Variants in DISP1 observed in about 807,000 individuals in gnomAD.
DISP1 encodes the protein dispatched RND transporter family member 1.
Under a neutral mutation model 37.3 loss-of-function variants are expected in DISP1, and 30 were observed. The observed-to-expected ratio is 0.80, with a 90% CI of 0.60 to 1.09. The LOEUF is 1.09. DISP1 is among the 50% of genes least tolerant of loss of function. The probability of loss-of-function intolerance (pLI) is 0.00; values close to 1 mark genes in which losing one functional copy is unlikely to be tolerated. For synonymous variants in DISP1, 634 were observed against 690.2 expected, an observed-to-expected ratio of 0.92 and a Z score of 1.28; for missense variants, 1,598 against 1,879.5, an observed-to-expected ratio of 0.85 and a Z score of 2.77.
intron 3 of DISP1, among the ~76,000 whole-genome samples, chr1:222,969,947 A>G (rs901858028): frequency 6.6e-6 from 1 of 152,174 alleles, no homozygotes; most frequent in Non-Finnish European, 1.5e-5. Flanking sequence ...TAAACTTTAT[A>G]TTTTAGAATA....
intron 1 of DISP1, among the ~76,000 whole-genome samples, chr1:222,819,258 C>T (rs1461402329): frequency 1.3e-5 from 2 of 152,204 alleles, no homozygotes; most frequent in African/African-American, 2.4e-5. Context: ...GCTTCCTGTA[C>T]AGCCTGTGGA....
At chr1:222,951,277 T>G (rs17011848) in intron 3 of DISP1, among the ~76,000 whole-genome samples, 11,572 of 152,238 alleles carry the variant, frequency 0.076, 499 homozygotes, top group African/African-American at 0.098. Context: ...TTATTCATTT[T>G]CTAATTTCTG....
intron 3 of DISP1, among the ~76,000 whole-genome samples, chr1:222,977,181 C>A (rs1677405406): frequency 6.7e-6 from 1 of 149,504 alleles, no homozygotes; most frequent in Admixed American, 6.8e-5. Context: ...ATGCATGCAC[C>A]ACCATGCCCG....
At chr1:222,943,385 T>C (rs1221982705) in intron 3 of DISP1, 53 bp downstream of exon 3, 30 of 1,609,032 alleles carry the variant, frequency 1.9e-5, no homozygotes, top group Non-Finnish European at 2.5e-5. Flanking sequence ...CACGTGAACA[T>C]GACAGCTTGT....
intron 1 of DISP1, among the ~76,000 whole-genome samples, chr1:222,821,594 G>A (rs181739798): frequency 8.7e-4 from 132 of 152,074 alleles, no homozygotes; most frequent in African/African-American, 3.1e-3. Flanking sequence ...GGCAGTTTTC[G>A]GCCAGGTGCA....
At chr1:222,952,451 G>A (rs1675291121) in intron 3 of DISP1, among the ~76,000 whole-genome samples, 1 of 152,186 alleles carries the variant, frequency 6.6e-6, no homozygotes, top group African/African-American at 2.4e-5. Context: ...ATATTTGACA[G>A]TGAATACTTT....
chr1:222,844,063 A>G (rs201838855), intron 1 of DISP1, among the ~76,000 whole-genome samples: 1 of 136,186 alleles, frequency 7.3e-6, no homozygotes, highest in South Asian at 2.4e-4. Context: ...CAGTCTTTGT[A>G]TTTTTAAAAC....
At chr1:222,819,155 T>C (rs1662065107) in intron 1 of DISP1, among the ~76,000 whole-genome samples, 1 of 152,166 alleles carries the variant, frequency 6.6e-6, no homozygotes, top group Non-Finnish European at 1.5e-5. Flanking sequence ...GCCCCTGTGC[T>C]CGTCGTTTCT....
At chr1:222,968,200 T>C (rs1328803250) in intron 3 of DISP1, among the ~76,000 whole-genome samples, 4 of 152,138 alleles carry the variant, frequency 2.6e-5, no homozygotes, top group Non-Finnish European at 5.9e-5. Flanking sequence ...TTCCACTTAG[T>C]TCCCATTCTC....
intron 3 of DISP1, among the ~76,000 whole-genome samples, chr1:222,978,701 G>C (rs984278372): frequency 6.6e-6 from 1 of 152,128 alleles, no homozygotes; most frequent in African/African-American, 2.4e-5. Flanking sequence ...TTTTGTATAA[G>C]GTGTAAGGAA....
chr1:222,995,822 G>A (rs374544836), intron 8 of DISP1, among the ~76,000 whole-genome samples: 4 of 152,138 alleles, frequency 2.6e-5, no homozygotes, highest in African/African-American at 4.8e-5. Flanking sequence ...ATCATGTGCC[G>A]TGCTGAGAGC....
intron 1 of DISP1, among the ~76,000 whole-genome samples, chr1:222,864,763 C>T (rs570617570): frequency 9.9e-5 from 15 of 152,198 alleles, no homozygotes; most frequent in South Asian, 4.1e-4. Context: ...TTCCTATACC[C>T]GCTGCTGCCA....
chr1:222,869,946 C>CA (rs1669436190), intron 1 of DISP1, among the ~76,000 whole-genome samples: 1 of 152,022 alleles, frequency 6.6e-6, no homozygotes, highest in Admixed American at 6.6e-5. Context: ...CCTCTCCCCC[C>CA]ACCCCACAAC....
At chr1:222,849,270 A>G (rs1031382094) in intron 1 of DISP1, among the ~76,000 whole-genome samples, 2 of 152,230 alleles carry the variant, frequency 1.3e-5, no homozygotes, top group South Asian at 2.1e-4. Flanking sequence ...CCACTCACTT[A>G]TAAAAGAGAA....
intron 4 of DISP1, among the ~76,000 whole-genome samples, chr1:222,990,237 G>T (rs752681740): frequency 6.6e-6 from 1 of 152,222 alleles, no homozygotes; most frequent in African/African-American, 2.4e-5. Flanking sequence ...ACTGATTGGA[G>T]TATGGATCCT....
chr1:222,879,658 G>A (rs929509492), intron 1 of DISP1, among the ~76,000 whole-genome samples: 1 of 152,090 alleles, frequency 6.6e-6, no homozygotes, highest in African/African-American at 2.4e-5. Flanking sequence ...GTAGGTGGGT[G>A]AAGAAAGATA....
intron 1 of DISP1, among the ~76,000 whole-genome samples, chr1:222,873,343 C>T (rs1416880337): frequency 6.6e-6 from 1 of 152,130 alleles, no homozygotes; most frequent in Non-Finnish European, 1.5e-5. Flanking sequence ...AACTTTCTGT[C>T]TTGTTGATCT....
intron 1 of DISP1, among the ~76,000 whole-genome samples, chr1:222,905,541 G>A (rs1024099264): frequency 6.6e-6 from 1 of 152,060 alleles, no homozygotes; most frequent in East Asian, 1.9e-4. Context: ...GGCTAATTTC[G>A]AGGAAATTCA....
intron 1 of DISP1, among the ~76,000 whole-genome samples, chr1:222,888,619 T>C (rs1558312990): frequency 6.6e-6 from 1 of 152,194 alleles, no homozygotes; most frequent in African/African-American, 2.4e-5. Context: ...TTTATCAGAA[T>C]GTATTCTGTT....
Sources: allele counts gnomAD v4.1 joint callset (sites outside exome capture counted in the v4.1 genomes callset), GRCh38; gene constraint gnomAD v4.1.1; transcripts MANE v1.5; gene names NCBI Gene and HGNC (gene_info 2026-07-23, HGNC 2026-07-21).